CACNA2D4: variants seen among roughly 807,000 people sequenced by gnomAD.
The protein encoded by CACNA2D4 is voltage-dependent calcium channel subunit alpha-2/delta-4.
Under a neutral mutation model 163.8 loss-of-function variants are expected in CACNA2D4, and 157 were observed. That is an observed-to-expected ratio of 0.96 (90% CI 0.84 to 1.09). The LOEUF (loss-of-function observed/expected upper bound fraction) is 1.09. Ranked by LOEUF, CACNA2D4 falls within the 50% of genes least tolerant of loss-of-function variation. CACNA2D4 has a pLI of 0.00. For missense variants in CACNA2D4, 1,410 were observed against 1,479.9 expected (o/e 0.95, Z 0.78); for synonymous variants, 598 against 586.9 (o/e 1.02, Z -0.27).
chr12:1,817,385 G>T lies in CACNA2D4; in HGVS notation c.2552-5662C>A, dbSNP rs117115111. Among the ~76,000 whole-genome samples, 377 of 152,204 alleles carry T rather than the reference G, an allele frequency of 2.5e-3. 2 individuals are homozygous for T. The highest frequency in any genetic ancestry group is 8.4e-3 in the African/African-American group (347 of 41,524). On this transcript the variant is annotated intron_variant, in intron 26 of 37. Transcript: ENST00000382722. Reference sequence around the variant, plus strand: ...CATTCCTCACTCAGTTGACACGAAGGCACTGGGGCCTGAAGGACACGGAAC... The same window carrying T: ...CATTCCTCACTCAGTTGACACGAAGTCACTGGGGCCTGAAGGACACGGAAC...
At chr12:1,814,734 C>T (rs896243133) in intron 26 of CACNA2D4, among the ~76,000 whole-genome samples, 8 of 152,216 alleles carry the variant, frequency 5.3e-5, no homozygotes, top group African/African-American at 1.9e-4. Flanking sequence ...GCCAACATTG[C>T]TCTCACTTGG....
chr12:1,873,792 A>T (rs1865832031), intron 18 of CACNA2D4, among the ~76,000 whole-genome samples: 1 of 152,240 alleles, frequency 6.6e-6, no homozygotes, highest in Non-Finnish European at 1.5e-5. Context: ...GCTTACAAAA[A>T]GCCAGGCAGA....
intron 26 of CACNA2D4, among the ~76,000 whole-genome samples, chr12:1,826,577 G>A (rs1864337820): frequency 6.6e-6 from 1 of 152,332 alleles, no homozygotes; most frequent in Admixed American, 6.5e-5. Context: ...CCACATCTGT[G>A]CCCAGTCTTG....
At chr12:1,831,630 G>A in intron 26 of CACNA2D4, 1 of 973,400 alleles carries the variant, frequency 1.0e-6, no homozygotes, top group Admixed American at 2.5e-5. Flanking sequence ...GCAGGCCAGG[G>A]GAAAGAAGGG....
Position 1,799,107 on chromosome 12 carries a change from C to G in CACNA2D4, c.2995+568G>C, listed in dbSNP as rs7960114. Among the ~76,000 whole-genome samples the G allele has an allele frequency of 6.6e-6, 1 of 152,264 alleles. No individual in the cohort carries two copies. The highest frequency in any genetic ancestry group is 2.4e-5 in the African/African-American group (1 of 41,564). On this transcript the variant is annotated intron_variant, in intron 34 of 37. Coordinates refer to ENST00000382722, the MANE Select transcript of CACNA2D4 (RefSeq NM_172364.5). The surrounding 1 kb of genome is among the most constrained non-coding windows in gnomAD (Gnocchi z 4.7). ...AGCAGAGCCCGCTGAGGCAAGATGG[C>G]CTCCTGCAGTCATGGAGGGCCCAGG...
chr12:1,878,953 C>T lies in CACNA2D4; in HGVS notation c.1644+3G>A. On this transcript the variant is annotated splice_donor_region_variant and intron_variant, in intron 15 of 37. Coordinates refer to ENST00000382722, the MANE Select transcript of CACNA2D4 (RefSeq NM_172364.5). The surrounding 1 kb of genome is among the most constrained non-coding windows in gnomAD (Gnocchi z 4.6). ...TCCCCACAGGGAACAGACCCAGGCT[C>T]ACCTTGTACCGGGGCGCCAGCTTCA... 2 of 1,613,414 alleles carry T rather than the reference C, an allele frequency of 1.2e-6. No homozygotes were observed. Among genetic ancestry groups the T allele is most frequent in the South Asian group, 1.1e-5 (1 of 91,046 alleles).
At chr12:1,796,836 G>A (rs866398098) in intron 35 of CACNA2D4, among the ~76,000 whole-genome samples, 1 of 152,214 alleles carries the variant, frequency 6.6e-6, no homozygotes, top group Non-Finnish European at 1.5e-5. Flanking sequence ...GGGTCAGCAG[G>A]AGAGACCCTT....
At chr12:1,842,845 G>T (rs1436918588) in intron 25 of CACNA2D4, among the ~76,000 whole-genome samples, 2 of 152,212 alleles carry the variant, frequency 1.3e-5, no homozygotes, top group Non-Finnish European at 2.9e-5. Flanking sequence ...GGGGTGGACG[G>T]TGTGGGAAGG....
Position 1,874,557 on chromosome 12 carries a change from TGAAGATGCCTTCCTA to T in CACNA2D4, c.1878+32_1878+46del, listed in dbSNP as rs1565722879. The T allele has an allele frequency of 1.1e-5, 15 of 1,341,538 alleles. No individual in the cohort carries two copies. The highest frequency in any genetic ancestry group is 1.6e-5 in the Non-Finnish European group (15 of 933,196). The allele number at this position is 1,341,538 out of a possible 1,614,324, so 83.1% of individuals were successfully genotyped here. A position where few individuals can be genotyped will look rare whatever the true frequency, so the allele number is the denominator to read the frequency against. Reference sequence around the variant, plus strand: ...TCGTCACTACTCCAAACCCAATTAATGAAGATGCCTTCCTAGGCCATGCCCTGGCTGTTTCTAGCT... The same window carrying T: ...TCGTCACTACTCCAAACCCAATTAATGGCCATGCCCTGGCTGTTTCTAGCT... On this transcript the variant is annotated intron_variant, in intron 18 of 37. Transcript: ENST00000382722. This position sits in a 1 kb window ranked among gnomAD's most constrained non-coding sequence, Gnocchi z 4.4.
chr12:1,915,040 C>T (rs545161260), intron 1 of CACNA2D4, 105 bp from the exon 2 acceptor site: 5 of 823,700 alleles, frequency 6.1e-6, no homozygotes, highest in African/African-American at 5.0e-5. Context: ...CCAGTGTCTA[C>T]ACACAGACAC....
intron 27 of CACNA2D4, 137 bp downstream of exon 27, chr12:1,811,525 G>T: frequency 1.1e-6 from 1 of 869,944 alleles, no homozygotes; most frequent in Non-Finnish European, 1.8e-6. Context: ...GAGCTGAGGG[G>T]CTGAGAAGTG....
At chr12:1,838,982 C>A (rs993818644) in intron 26 of CACNA2D4, among the ~76,000 whole-genome samples, 1 of 152,212 alleles carries the variant, frequency 6.6e-6, no homozygotes, top group Non-Finnish European at 1.5e-5. Context: ...TCGCACACGA[C>A]CAGTGACACC....
intron 13 of CACNA2D4, among the ~76,000 whole-genome samples, chr12:1,880,491 C>T (rs1333015225): frequency 6.6e-6 from 1 of 152,266 alleles, no homozygotes; most frequent in Non-Finnish European, 1.5e-5. Flanking sequence ...GACGGCTGTC[C>T]GCCCTGACTG....
chr12:1,868,132 G>A (rs1265879086), intron 18 of CACNA2D4, among the ~76,000 whole-genome samples: 1 of 152,196 alleles, frequency 6.6e-6, no homozygotes, highest in Non-Finnish European at 1.5e-5. Flanking sequence ...CCAAGGGAAA[G>A]GACATCACCA....
At position 1,856,075 on chromosome 12, in the gene CACNA2D4, G is replaced by C; in HGVS notation, c.2089C>G (p.Arg697Gly). ...YCITDIDPDHRKLSQLEAMIR... is the reference protein window; with the variant it reads ...YCITDIDPDHGKLSQLEAMIR... ...ATGGCCTCTAGCTGGCTGAGCTTCC[G>C]GTGGTCTGGGTCAATATCTGTGATG... Residue 697 changes from arginine to glycine, a missense_variant, in exon 22 of 38, where the codon CGG (arginine) becomes GGG (glycine). Transcript: ENST00000382722. The C allele has an allele frequency of 1.2e-6, 2 of 1,614,010 alleles. No homozygotes were observed. Among genetic ancestry groups the C allele is most frequent in the Non-Finnish European group, 1.7e-6 (2 of 1,179,880 alleles).
At chr12:1,803,884 G>A (rs1477002786) in intron 29 of CACNA2D4, among the ~76,000 whole-genome samples, 1 of 152,188 alleles carries the variant, frequency 6.6e-6, no homozygotes, top group Non-Finnish European at 1.5e-5. Context: ...CACCTCCTAC[G>A]GTGGTGGAAA....
At chr12:1,895,407 A>G (rs1866379749) in intron 6 of CACNA2D4, among the ~76,000 whole-genome samples, 1 of 152,196 alleles carries the variant, frequency 6.6e-6, no homozygotes, top group African/African-American at 2.4e-5. Flanking sequence ...AAAAAGTCAG[A>G]ATAGCTAAAG....
chr12:1,863,866 G>A (rs1311457074), intron 18 of CACNA2D4, among the ~76,000 whole-genome samples: 1 of 148,020 alleles, frequency 6.8e-6, no homozygotes, highest in East Asian at 2.0e-4. Context: ...GGATCACCCT[G>A]AATGTCAACA....
At chr12:1,889,862 ACTAGAGGCAT>A (rs1452590259) in intron 6 of CACNA2D4, among the ~76,000 whole-genome samples, 17 of 152,258 alleles carry the variant, frequency 1.1e-4, no homozygotes, top group Non-Finnish European at 2.4e-4. Flanking sequence ...AAGATGGCTG[ACTAGAGGCAT>A]CTGGTACTTT....
Sources: allele counts gnomAD v4.1 joint callset (sites outside exome capture counted in the v4.1 genomes callset), GRCh38; gene constraint gnomAD v4.1.1; non-coding constraint Gnocchi (gnomAD v3.1); transcripts MANE v1.5; gene names NCBI Gene and HGNC (gene_info 2026-07-23, HGNC 2026-07-21).